Variants in KLHDC4 observed in about 807,000 individuals in gnomAD.
The protein encoded by KLHDC4 is kelch domain containing 4.
Under a neutral mutation model 62.4 loss-of-function variants are expected in KLHDC4, and 90 were observed. That is an observed-to-expected ratio of 1.44 (90% CI 1.22 to 1.72). KLHDC4 has a LOEUF of 1.72. Ranked by LOEUF, KLHDC4 falls within the 40% of genes most tolerant of loss-of-function variation. The pLI, the probability that KLHDC4 is intolerant of heterozygous loss-of-function variation, is 0.00. For synonymous variants in KLHDC4, 386 were observed against 284.4 expected, an observed-to-expected ratio of 1.36 and a Z score of -3.59; for missense variants, 1,025 against 699.7, an observed-to-expected ratio of 1.47 and a Z score of -5.25.
intron 7 of KLHDC4, among the ~76,000 whole-genome samples, chr16:87,724,098 A>G (rs1012251951): frequency 6.6e-6 from 1 of 152,142 alleles, no homozygotes; most frequent in Non-Finnish European, 1.5e-5. Context: ...TCAGCCTCCC[A>G]AAGTGCTGGG....
intron 4 of KLHDC4, among the ~76,000 whole-genome samples, chr16:87,754,820 T>C (rs1321719566): frequency 6.6e-6 from 1 of 152,196 alleles, no homozygotes; most frequent in Non-Finnish European, 1.5e-5. Flanking sequence ...TTTCCGCTAA[T>C]ACAATTGTTT....
chr16:87,724,178 A>G (rs2038938931), intron 7 of KLHDC4, among the ~76,000 whole-genome samples: 1 of 152,176 alleles, frequency 6.6e-6, no homozygotes, highest in Non-Finnish European at 1.5e-5. Flanking sequence ...ACAAGTGAGT[A>G]TCTACATGGG....
chr16:87,749,374 T>G (rs1256858507), intron 4 of KLHDC4, among the ~76,000 whole-genome samples: 1 of 151,720 alleles, frequency 6.6e-6, no homozygotes, highest in Non-Finnish European at 1.5e-5. Flanking sequence ...GCCAACATGG[T>G]GAAACCCCAT....
chr16:87,726,845 C>G lies in KLHDC4; in HGVS notation c.679G>C (p.Gly227Arg). 1 of 1,613,276 alleles carries G rather than the reference C, an allele frequency of 6.2e-7. No homozygotes were observed. The highest frequency in any genetic ancestry group is 8.5e-7 in the Non-Finnish European group (1 of 1,179,690). ...TWSKLSPSGT[G>R]PTPRSGCQMS... ...TGGCAGCCTGATCTGGGTGTGGGCC[C>G]CGTCCCTGACGGGGACAGCTTGCTC... Residue 227 changes from glycine (G) to arginine (R), a missense_variant, in exon 7 of 12, where the codon GGG (glycine) becomes CGG (arginine). By Grantham distance (125) the Gly-to-Arg change is moderately radical. Coordinates refer to ENST00000270583, the MANE Select transcript of KLHDC4 (RefSeq NM_017566.4).
rs56153410 is a variant in KLHDC4 at position 87,711,366 on chromosome 16, G to A, written c.913C>T (p.Pro305Ser). The A allele has an allele frequency of 5.6e-3, 9,032 of 1,613,842 alleles. 434 individuals are homozygous for A. The African/African-American group carries it at 0.11, about 19-fold the overall frequency. ...PRSGFSVAMA[P>S]NHQTLFFGGV... ...CCGAAGAACAGTGTCTGGTGATTCGGGGCCATGGCCACGGAAAAGCCAGAC... is the reference window on the plus strand; with the variant it reads ...CCGAAGAACAGTGTCTGGTGATTCGAGGCCATGGCCACGGAAAAGCCAGAC... The change falls in exon 9 of 12, where the codon CCG becomes TCG. Residue 305 changes from proline (P) to serine (S), a missense_variant. Pro to Ser is a moderately conservative substitution (Grantham distance 74). Transcript: ENST00000270583.
chr16:87,765,041 G>T (rs1477226336), intron 1 of KLHDC4: 2 of 443,420 alleles, frequency 4.5e-6, no homozygotes, highest in Non-Finnish European at 4.5e-6. Flanking sequence ...CTGTCAAATG[G>T]GAATACCAGT....
At chr16:87,728,244 T>C (rs1272945397) in intron 6 of KLHDC4, among the ~76,000 whole-genome samples, 1 of 152,122 alleles carries the variant, frequency 6.6e-6, no homozygotes, top group East Asian at 1.9e-4. Context: ...ACTGACCACA[T>C]CCTTCGCAGG....
intron 1 of KLHDC4, 146 bp downstream of exon 1, chr16:87,765,646 C>G (rs1430595830): frequency 7.0e-6 from 5 of 710,392 alleles, no homozygotes; most frequent in African/African-American, 1.8e-5. Flanking sequence ...CCGGACGCGG[C>G]GCCGGGGCAG....
At chr16:87,703,012 A>C (rs1212773139), downstream of KLHDC4, 2 of 152,264 alleles carry the variant, frequency 1.3e-5, no homozygotes, top group Admixed American at 1.3e-4. Context: ...TCAAGATTAA[A>C]AAGAAATTCT....
chr16:87,752,097 A>AAAAAAAG (rs2044080325), intron 4 of KLHDC4, among the ~76,000 whole-genome samples: 1 of 141,426 alleles, frequency 7.1e-6, no homozygotes, highest in Non-Finnish European at 1.5e-5. Context: ...CTCAAAAAAA[A>AAAAAAAG]AAAAAAAAAA....
At chr16:87,755,381 G>A (rs1186312830) in intron 3 of KLHDC4, 89 bp from the exon 4 acceptor site, 7 of 705,462 alleles carry the variant, frequency 9.9e-6, no homozygotes, top group African/African-American at 8.9e-5. Flanking sequence ...AATTCCCTGG[G>A]AAACTGACAT....
intron 8 of KLHDC4, among the ~76,000 whole-genome samples, chr16:87,713,392 G>A (rs1031540019): frequency 1.3e-5 from 2 of 151,712 alleles, no homozygotes; most frequent in African/African-American, 4.8e-5. Flanking sequence ...GAGATGGTGT[G>A]TCACTATGTT....
chr16:87,716,903 G>C (rs925629654), intron 7 of KLHDC4, among the ~76,000 whole-genome samples: 9 of 152,174 alleles, frequency 5.9e-5, no homozygotes, highest in Non-Finnish European at 1.2e-4. Flanking sequence ...CTGCACTCCA[G>C]CCTGGGCGAC....
chr16:87,698,167 T>C (rs1285955997), exon 1 of KLHDC4: 1 of 152,536 alleles, frequency 6.6e-6, no homozygotes, highest in Non-Finnish European at 1.5e-5. Context: ...TTCAGTTTTA[T>C]TGTTTTCCGT....
exon 1 of KLHDC4, chr16:87,701,943 T>C (rs988107784): frequency 2.2e-6 from 1 of 456,242 alleles, no homozygotes. Flanking sequence ...CAGTGGTAGA[T>C]GGGGCTCTGC....
intron 10 of KLHDC4, chr16:87,708,691 C>A: frequency 2.4e-6 from 1 of 417,144 alleles, no homozygotes; most frequent in Non-Finnish European, 4.2e-6. Flanking sequence ...GCAAAAGCAC[C>A]CCCATAACGG....
At chr16:87,745,337 C>A (rs1397390953) in intron 5 of KLHDC4, among the ~76,000 whole-genome samples, 1 of 152,024 alleles carries the variant, frequency 6.6e-6, no homozygotes, top group East Asian at 1.9e-4. Context: ...CCATACTACC[C>A]AGCACTGCTC....
At chr16:87,759,856 CG>C (rs2045593563) in intron 2 of KLHDC4, among the ~76,000 whole-genome samples, 1 of 152,180 alleles carries the variant, frequency 6.6e-6, no homozygotes, top group Non-Finnish European at 1.5e-5. Flanking sequence ...ACGATCTACA[CG>C]GGGCCCAAAC....
chr16:87,726,712 C>T (rs992063437), intron 7 of KLHDC4, 53 bp downstream of exon 7: 23 of 1,403,810 alleles, frequency 1.6e-5, no homozygotes, highest in Non-Finnish European at 3.7e-6. Context: ...CACCCCGCGC[C>T]TCGCCTGTTT....
Sources: allele counts gnomAD v4.1 joint callset (sites outside exome capture counted in the v4.1 genomes callset), GRCh38; gene constraint gnomAD v4.1.1; transcripts MANE v1.5; gene names NCBI Gene and HGNC (gene_info 2026-07-23, HGNC 2026-07-21).